HOPX: variants seen among roughly 807,000 people sequenced by gnomAD.
HOPX encodes the protein HOP homeobox.
A neutral mutation model predicts 11.8 loss-of-function variants in HOPX; 5 were observed. That is an observed-to-expected ratio of 0.43 (90% CI 0.22 to 0.89). The LOEUF (loss-of-function observed/expected upper bound fraction) is 0.89. Ranked by LOEUF, HOPX falls within the 40% of genes least tolerant of loss-of-function variation. The probability of loss-of-function intolerance (pLI) is 0.28; values close to 1 mark genes in which losing one functional copy is unlikely to be tolerated. For missense variants in HOPX, 119 were observed against 120.0 expected (o/e 0.99, Z 0.04); for synonymous variants, 49 against 49.7 (o/e 0.99, Z 0.06).
chr4:56,652,330 A>C (rs918218785), intron 3 of HOPX, among the ~76,000 whole-genome samples: 4 of 152,186 alleles, frequency 2.6e-5, no homozygotes, highest in African/African-American at 9.7e-5. Context: ...TTGCAAGAGC[A>C]CTGGGCAGCT....
intron 3 of HOPX, 125 bp from the exon 4 acceptor site, chr4:56,648,922 G>T: frequency 3.0e-6 from 2 of 677,592 alleles, no homozygotes; most frequent in Admixed American, 5.0e-5. Flanking sequence ...GTTCCCATAG[G>T]GATGGTTCTC....
chr4:56,650,207 G>A lies in HOPX; in HGVS notation c.199-1410C>T, dbSNP rs542682950. On this transcript the variant is annotated intron_variant, in intron 3 of 3. Coordinates refer to ENST00000420433, the MANE Select transcript of HOPX (RefSeq NM_032495.6). ...GCACCAATCATCTGTAAATAAAAAC[G>A]TAAGCTTAGGGGGTTTCTACTGTCC... 6.1e-4 allele frequency: 95 copies of A among 155,892 alleles called. 1 individual carries two copies. Among genetic ancestry groups the A allele is most frequent in the African/African-American group, 2.0e-3 (85 of 41,626 alleles). 9.7% of individuals were successfully genotyped at this position (155,892 alleles called of 1,614,324 possible).
intron 3 of HOPX, among the ~76,000 whole-genome samples, chr4:56,655,388 G>T (rs1013731767): frequency 6.6e-6 from 1 of 152,190 alleles, no homozygotes; most frequent in Non-Finnish European, 1.5e-5. Context: ...CCGGAGGACT[G>T]AATTTATGGC....
chr4:56,657,878 A>C lies in HOPX; in HGVS notation c.-62T>G. 1.3e-6 allele frequency: 2 copies of C among 1,551,284 alleles called. No homozygotes were observed. The highest frequency in any genetic ancestry group is 1.7e-6 in the Non-Finnish European group (2 of 1,146,728). The stretch of plus-strand genomic sequence containing the variant: ...ACCTGTGCTCCGCTAGACCCTTCTC[A>C]GTGGGGCAGTCTGTCATTAGTCTGG... On this transcript the variant is annotated 5_prime_UTR_variant, in exon 2 of 4. Transcript: ENST00000420433.
intron 1 of HOPX, among the ~76,000 whole-genome samples, chr4:56,660,284 A>G (rs796938825): frequency 2.0e-5 from 3 of 152,352 alleles, no homozygotes; most frequent in African/African-American, 7.2e-5. Flanking sequence ...AGAACTTAGA[A>G]CCAAACATTA....
chr4:56,650,765 GCTA>G, intron 3 of HOPX: 5 of 1,551,056 alleles, frequency 3.2e-6, no homozygotes, highest in South Asian at 2.4e-5. Context: ...CTCTTTGGGG[GCTA>G]CTTTCTGGGT....
chr4:56,657,997 A>G, intron 1 of HOPX, 98 bp from the exon 2 acceptor site: 1 of 1,177,556 alleles, frequency 8.5e-7, no homozygotes, highest in Non-Finnish European at 1.2e-6. Context: ...CACCAATTCT[A>G]GCCAAAGTTG....
chr4:56,651,962 G>A (rs1351234919), intron 3 of HOPX, among the ~76,000 whole-genome samples: 3 of 151,924 alleles, frequency 2.0e-5, no homozygotes, highest in African/African-American at 7.3e-5. Context: ...CCACGGGGCT[G>A]AGGAAGGAGA....
At chr4:56,666,709 A>C (rs967053868) in intron 1 of HOPX, among the ~76,000 whole-genome samples, 1 of 152,230 alleles carries the variant, frequency 6.6e-6, no homozygotes, top group African/African-American at 2.4e-5. Context: ...CAAACAGAAG[A>C]AAGCAATTCC....
rs954999791 is a variant in HOPX, at chr4:56,675,767, C to G, written c.-84+5488G>C. Among the ~76,000 whole-genome samples the G allele has an allele frequency of 5.3e-5, 8 of 151,748 alleles. 1 individual carries two copies. The highest frequency in any genetic ancestry group is 2.0e-4 in the African/African-American group (8 of 40,988). On this transcript the variant is annotated intron_variant, in intron 1 of 3. Transcript: ENST00000420433. ...CCAGGAGACATGAGCCTTCCATTTG[C>G]AGCATCAGGCTTGCTGCCCCTCTAT...
At chr4:56,681,531 C>T (rs1578371411), upstream of HOPX, 3 of 999,980 alleles carry the variant, frequency 3.0e-6, 1 homozygote, top group Admixed American at 1.8e-4. Context: ...TCACTATCTT[C>T]TCGTCCCTGA....
chr4:56,671,987 TATAAATTATCAACACTAC>T (rs1283405528), intron 1 of HOPX, among the ~76,000 whole-genome samples: 1 of 152,092 alleles, frequency 6.6e-6, no homozygotes, highest in Admixed American at 6.5e-5. Context: ...TGAATGGCAC[TATAAATTATCAACACTAC>T]ATAAATACAA....
chr4:56,651,889 T>A (rs1218809955), intron 3 of HOPX, among the ~76,000 whole-genome samples: 3 of 150,006 alleles, frequency 2.0e-5, no homozygotes, highest in African/African-American at 7.5e-5. Context: ...TGTGTGTGTG[T>A]GTGTGTGTGT....
intron 1 of HOPX, chr4:56,664,818 C>A (rs1718345205): frequency 6.6e-6 from 1 of 152,188 alleles, no homozygotes; most frequent in Admixed American, 6.5e-5. Flanking sequence ...CTCCTCTCAT[C>A]TATTAATGAG....
At chr4:56,674,028 A>G (rs756083001) in intron 1 of HOPX, among the ~76,000 whole-genome samples, 17 of 151,416 alleles carry the variant, frequency 1.1e-4, no homozygotes, top group Non-Finnish European at 1.9e-4. Flanking sequence ...TGTTTAGTCA[A>G]CTATTGTTTA....
intron 1 of HOPX, among the ~76,000 whole-genome samples, chr4:56,673,717 A>AGT (rs1196788559): frequency 1.3e-5 from 2 of 152,008 alleles, no homozygotes; most frequent in South Asian, 2.1e-4. Flanking sequence ...ATCTGATTTG[A>AGT]GTGTGTGTGT....
chr4:56,665,834 T>C (rs1426681741), intron 1 of HOPX: 2 of 152,182 alleles, frequency 1.3e-5, no homozygotes, highest in African/African-American at 2.4e-5. Context: ...AAATCTAGTA[T>C]GTGACAGAGC....
chr4:56,648,887 A>T, intron 3 of HOPX, 90 bp from the exon 4 acceptor site: 1 of 944,316 alleles, frequency 1.1e-6, no homozygotes, highest in South Asian at 1.5e-5. Context: ...CTGTGGCACA[A>T]GTGGAAAGGA....
intron 1 of HOPX, among the ~76,000 whole-genome samples, chr4:56,669,617 C>T (rs918921958): frequency 3.3e-5 from 5 of 151,680 alleles, no homozygotes; most frequent in Non-Finnish European, 5.9e-5. Context: ...CAAGATCACA[C>T]CACTGCACTC....
Sources: gnomAD v4.1 joint callset for allele counts (sites outside exome capture counted in the v4.1 genomes callset) on GRCh38, gnomAD v4.1.1 for gene constraint, MANE v1.5 for transcripts, NCBI Gene and HGNC (gene_info 2026-07-23, HGNC 2026-07-21) for gene names.